Variants in INO80 observed in about 807,000 individuals in gnomAD.
INO80 encodes the protein chromatin-remodeling ATPase INO80.
INO80 carries 20 observed loss-of-function variants against 203.4 expected under a neutral mutation model. That is an observed-to-expected ratio of 0.10 (90% confidence interval 0.07 to 0.14). The LOEUF is 0.14. INO80 is among the 10% of genes least tolerant of loss of function. The pLI is 1.00. For synonymous variants in INO80, 726 were observed against 685.2 expected (o/e 1.06, Z -0.93); for missense variants, 1,419 against 1,914.4 (o/e 0.74, Z 4.83).
At chr15:41,091,937 C>G in intron 5 of INO80, 90 bp downstream of exon 5, 1 of 1,136,462 alleles carries the variant, frequency 8.8e-7, no homozygotes, top group Non-Finnish European at 1.3e-6. Flanking sequence ...TAGGTGTGAG[C>G]CACCACGCCC....
At chr15:41,027,531 C>A in intron 25 of INO80, 65 bp downstream of exon 25, 3 of 1,268,120 alleles carry the variant, frequency 2.4e-6, no homozygotes, top group South Asian at 2.9e-5. Flanking sequence ...GAAATAAATC[C>A]CTTAAAAATT....
chr15:41,097,934 C>T (rs893753495), intron 1 of INO80, among the ~76,000 whole-genome samples: 3 of 152,204 alleles, frequency 2.0e-5, no homozygotes, highest in African/African-American at 4.8e-5. Flanking sequence ...GGCTGGGCAA[C>T]GAGAGCAAAA....
chr15:41,068,266 C>T (rs2140583361), intron 14 of INO80, among the ~76,000 whole-genome samples: 1 of 151,708 alleles, frequency 6.6e-6, no homozygotes, highest in South Asian at 2.1e-4. Flanking sequence ...ACTAAAAAAG[C>T]AAAATGGGCT....
At chr15:41,071,364 T>A (rs1249626301) in intron 12 of INO80, among the ~76,000 whole-genome samples, 1 of 152,080 alleles carries the variant, frequency 6.6e-6, no homozygotes, top group Non-Finnish European at 1.5e-5. Context: ...TCATTTACAT[T>A]AGGTATTTCT....
At chr15:41,055,637 A>G (rs1376146739) in intron 17 of INO80, among the ~76,000 whole-genome samples, 1 of 152,360 alleles carries the variant, frequency 6.6e-6, no homozygotes, top group East Asian at 1.9e-4. Context: ...AGATTTTGCA[A>G]TGGGATAGTT....
intron 24 of INO80, among the ~76,000 whole-genome samples, chr15:41,041,990 A>G (rs1203850996): frequency 6.7e-6 from 1 of 148,444 alleles, no homozygotes; most frequent in Non-Finnish European, 1.5e-5. Context: ...ACCCACCACC[A>G]TGCTTGGCTA....
rs1226484675 is a variant in INO80 at position 41,100,353 on chromosome 15, T to C, written c.-43-4000A>G. On this transcript the variant is annotated intron_variant, in intron 1 of 35. Transcript: ENST00000648947. ...CCTCCCAAAGTGCTGGGATTACAGGTGTGAGCCACTGTGCCCGGCCAATGA... is the reference window on the plus strand; with the variant it reads ...CCTCCCAAAGTGCTGGGATTACAGGCGTGAGCCACTGTGCCCGGCCAATGA... 2.6e-5 allele frequency among the ~76,000 whole-genome samples: 4 copies of C among 152,116 alleles called. No individual in the cohort carries two copies. The East Asian group carries it at 5.8e-4, about 22-fold the overall frequency.
intron 6 of INO80, 58 bp from the exon 7 acceptor site, chr15:41,085,641 C>T: frequency 1.5e-6 from 2 of 1,357,904 alleles, no homozygotes; most frequent in East Asian, 2.3e-5. Context: ...CACAAAGCAA[C>T]CTCATGACTT....
chr15:40,983,961 C>T (rs1171759260), intron 33 of INO80, 40 bp from the exon 34 acceptor site: 5 of 1,600,046 alleles, frequency 3.1e-6, no homozygotes, highest in Non-Finnish European at 4.3e-6. Flanking sequence ...ACCCCCTGTG[C>T]TCACCGCCCA....
intron 25 of INO80, among the ~76,000 whole-genome samples, chr15:41,024,905 A>C (rs2044353259): frequency 6.6e-6 from 1 of 152,234 alleles, no homozygotes; most frequent in Admixed American, 6.5e-5. Context: ...ATTTTGCCTT[A>C]TTCACTGATC....
intron 27 of INO80, among the ~76,000 whole-genome samples, chr15:41,015,052 G>GT (rs2044183471): frequency 6.6e-6 from 1 of 152,150 alleles, no homozygotes; most frequent in Non-Finnish European, 1.5e-5. Flanking sequence ...TATTGTACTA[G>GT]TTTGTGATTA....
intron 28 of INO80, among the ~76,000 whole-genome samples, chr15:40,998,023 T>A (rs1282421893): frequency 2.0e-5 from 3 of 146,778 alleles, no homozygotes; most frequent in East Asian, 3.9e-4. Flanking sequence ...ACTCTTTTTT[T>A]TTTTTTTTTT....
intron 16 of INO80, among the ~76,000 whole-genome samples, chr15:41,057,815 A>AG (rs1242854100): frequency 1.6e-3 from 239 of 150,164 alleles, no homozygotes; most frequent in African/African-American, 5.3e-3. Context: ...AAAAAAAAAA[A>AG]AAAAAGAAAG....
intron 27 of INO80, among the ~76,000 whole-genome samples, chr15:41,009,231 C>CT (rs11392141): frequency 0.56 from 83,205 of 147,616 alleles, 24,294 homozygotes; most frequent in East Asian, 0.7. Context: ...TTATACTGTT[C>CT]TTTTTTTTTT....
Position 41,053,997 on chromosome 15 carries a change from G to A in INO80, c.2206C>T (p.His736Tyr). ...AGCATAAATGGCTTCAAAATCATGT[G>A]TAAGCGAGAAAGTTGATCTGAAATG... Reference protein sequence around the residue: ...AIDENQLSRLHMILKPFMLRR... With the variant: ...AIDENQLSRLYMILKPFMLRR... The change falls in exon 19 of 36, where the codon CAC (histidine) becomes TAC (tyrosine). Residue 736 changes from histidine (H) to tyrosine (Y), a missense_variant. Physicochemically the swap from His to Tyr is moderately conservative, Grantham distance 83. Transcript: ENST00000648947. 6.2e-7 allele frequency: 1 copy of A among 1,613,598 alleles called. No individual in the cohort carries two copies.
chr15:41,021,996 G>A (rs2044301401), intron 25 of INO80, among the ~76,000 whole-genome samples: 1 of 152,212 alleles, frequency 6.6e-6, no homozygotes. Flanking sequence ...TTAAAATGTG[G>A]AGGCTGTGAT....
intron 14 of INO80, 151 bp downstream of exon 14, chr15:41,069,419 C>T (rs2045276638): frequency 6.0e-6 from 3 of 500,276 alleles, no homozygotes; most frequent in Admixed American, 7.9e-5. Context: ...ATCCACCCAC[C>T]TCAACCTCCC....
chr15:41,011,840 A>C (rs1396315602), intron 27 of INO80: 1 of 152,214 alleles, frequency 6.6e-6, no homozygotes, highest in African/African-American at 2.4e-5. Flanking sequence ...TGACTGAGCA[A>C]GTTACACAAC....
chr15:41,034,692 G>A (rs544744251), intron 24 of INO80, among the ~76,000 whole-genome samples: 2 of 152,128 alleles, frequency 1.3e-5, no homozygotes, highest in South Asian at 2.1e-4. Flanking sequence ...TTTGAATTTC[G>A]TAAGAAAAAG....
Sources: gnomAD v4.1 joint callset for allele counts (sites outside exome capture counted in the v4.1 genomes callset) on GRCh38, gnomAD v4.1.1 for gene constraint, MANE v1.5 for transcripts, NCBI Gene and HGNC (gene_info 2026-07-23, HGNC 2026-07-21) for gene names.